The following NUCB2 variants were observed in gnomAD, a reference collection of about 807,000 sequenced individuals.
NUCB2 encodes nucleobindin-2.
NUCB2 carries 48 observed loss-of-function variants against 57.9 expected under a neutral mutation model. The ratio of observed to expected loss-of-function variants is 0.83; its 90% CI spans 0.66 to 1.05. The LOEUF is 1.05. NUCB2 is among the 50% of genes least tolerant of loss of function. The pLI is 0.00. For missense variants in NUCB2, 442 were observed against 476.2 expected, an observed-to-expected ratio of 0.93 and a Z score of 0.67; for synonymous variants, 139 against 152.1, an observed-to-expected ratio of 0.91 and a Z score of 0.64.
intron 11 of NUCB2, among the ~76,000 whole-genome samples, chr11:17,318,350 A>G (rs1949568051): frequency 6.6e-6 from 1 of 152,108 alleles, no homozygotes; most frequent in Non-Finnish European, 1.5e-5. Context: ...TACATTCAAT[A>G]TCATATCAAA....
intron 2 of NUCB2, among the ~76,000 whole-genome samples, chr11:17,289,792 G>A (rs1163216103): frequency 6.6e-6 from 1 of 152,146 alleles, no homozygotes; most frequent in Non-Finnish European, 1.5e-5. Flanking sequence ...CATTAATGTA[G>A]ATTTTGAGGC....
intron 2 of NUCB2, among the ~76,000 whole-genome samples, chr11:17,290,372 G>T (rs1944718284): frequency 6.6e-6 from 1 of 152,086 alleles, no homozygotes; most frequent in Non-Finnish European, 1.5e-5. Context: ...ACATAACAAA[G>T]ACTATGTTGC....
chr11:17,325,195 G>A lies in NUCB2; in HGVS notation c.1003-4932G>A, dbSNP rs1411396424. On this transcript the variant is annotated intron_variant, in intron 11 of 13. Transcript: ENST00000529010. ...TGAAATACTTGTTAAGTATCTATTA[G>A]ATCCATTTGATCTATAGTGTAGATT... Among the ~76,000 whole-genome samples, 4 of 152,292 alleles carry A rather than the reference G, an allele frequency of 2.6e-5. No homozygotes were observed. The East Asian group carries it at 5.8e-4, about 22-fold the overall frequency.
intron 11 of NUCB2, among the ~76,000 whole-genome samples, chr11:17,320,162 A>G (rs1949832291): frequency 6.6e-6 from 1 of 152,002 alleles, no homozygotes; most frequent in South Asian, 2.1e-4. Flanking sequence ...GGTTGATTCT[A>G]TGTCTTTGCT....
chr11:17,304,915 T>G (rs977776405), intron 5 of NUCB2, among the ~76,000 whole-genome samples: 4 of 152,250 alleles, frequency 2.6e-5, no homozygotes, highest in African/African-American at 9.6e-5. Flanking sequence ...CTCAGTGTTA[T>G]AAACATGTCA....
chr11:17,312,184 C>A, intron 10 of NUCB2, 64 bp downstream of exon 10: 1 of 874,678 alleles, frequency 1.1e-6, no homozygotes, highest in Non-Finnish European at 1.8e-6. Context: ...TGCAATAAAT[C>A]TTTAAGATGG....
rs1449642877 is a variant in NUCB2 at position 17,330,236 on chromosome 11, A to G, written c.1112A>G (p.Gln371Arg). 6.2e-7 allele frequency: 1 copy of G among 1,611,956 alleles called. No individual in the cohort carries two copies. Among genetic ancestry groups the G allele is most frequent in the African/African-American group, 1.3e-5 (1 of 74,860 alleles). Residue 371 changes from glutamine to arginine, a missense_variant, in exon 12 of 14, where the codon CAA (glutamine) becomes CGA (arginine). Physicochemically the swap from Gln to Arg is conservative, Grantham distance 43. Coordinates refer to ENST00000529010, the MANE Select transcript of NUCB2 (RefSeq NM_005013.4). This position sits in a 1 kb window ranked among gnomAD's most constrained non-coding sequence, Gnocchi z 4.3. ...LKKKADELQK[Q>R]KEELQRQHDQ... ...AAGAAGGCAGATGAGCTTCAGAAAC[A>G]AAAAGAAGAGCTACAACGTCAGCAT...
chr11:17,307,481 G>A (rs1947851331), intron 5 of NUCB2, among the ~76,000 whole-genome samples: 1 of 152,102 alleles, frequency 6.6e-6, no homozygotes, highest in South Asian at 2.1e-4. Context: ...TTATATATAA[G>A]CAAATACAAA....
At position 17,312,114 on chromosome 11, in the gene NUCB2, G is replaced by C. The variant is rs1948569845; in HGVS notation, c.906G>C (p.Met302Ile). The C allele has an allele frequency of 1.4e-6, 2 of 1,411,882 alleles. No individual in the cohort carries two copies. The highest frequency in any genetic ancestry group is 2.0e-6 in the Non-Finnish European group (2 of 1,014,628). 87.5% of individuals were successfully genotyped at this position (1,411,882 alleles called of 1,614,324 possible). Residue 302 changes from methionine (M) to isoleucine (I), a missense_variant, in exon 10 of 14, where the codon ATG becomes ATC. Coordinates refer to ENST00000529010, the MANE Select transcript of NUCB2 (RefSeq NM_005013.4). ...GGCTTAGAATGAGGGAACATGTAATGAATGAGGTATGTTTTAAAAGTTTAA... is the reference window on the plus strand; with the variant it reads ...GGCTTAGAATGAGGGAACATGTAATCAATGAGGTATGTTTTAAAAGTTTAA... ...EERLRMREHV[M>I]NEVDTNKDRL...
chr11:17,327,914 C>G (rs546274773), intron 11 of NUCB2, among the ~76,000 whole-genome samples: 1 of 152,272 alleles, frequency 6.6e-6, no homozygotes, highest in South Asian at 2.1e-4. Flanking sequence ...CTCTGGTTCT[C>G]CAGGATTGGA....
chr11:17,322,008 C>T lies in NUCB2; in HGVS notation c.1002+6533C>T, dbSNP rs372827553. On this transcript the variant is annotated intron_variant, in intron 11 of 13. Coordinates refer to ENST00000529010, the MANE Select transcript of NUCB2 (RefSeq NM_005013.4). Reference sequence around the variant, plus strand: ...CTAGTTATTAATCCCTTGTCAGATGCGTAGTTTGCAATTATTTTCTCTCAT... The same window carrying T: ...CTAGTTATTAATCCCTTGTCAGATGTGTAGTTTGCAATTATTTTCTCTCAT... 1.0e-3 allele frequency among the ~76,000 whole-genome samples: 159 copies of T among 152,098 alleles called. No homozygotes were observed. In the Middle Eastern group the frequency reaches 0.014, roughly 13 times the overall value.
At chr11:17,309,517 T>C in intron 5 of NUCB2, 55 bp from the exon 6 acceptor site, 1 of 998,734 alleles carries the variant, frequency 1.0e-6, no homozygotes, top group Non-Finnish European at 1.5e-6. Context: ...TGTATAATTA[T>C]TATGTTTCTA....
chr11:17,331,344 A>G, intron 13 of NUCB2, 68 bp from the exon 14 acceptor site: 1 of 881,386 alleles, frequency 1.1e-6, no homozygotes, highest in Non-Finnish European at 1.7e-6. Context: ...GTATATTTGT[A>G]TATGAAGGAA....
At chr11:17,336,942 AT>A (rs566889007), downstream of NUCB2, among the ~76,000 whole-genome samples, 4 of 149,278 alleles carry the variant, frequency 2.7e-5, no homozygotes, top group Admixed American at 6.7e-5. Context: ...TGATAACATG[AT>A]TTTTTTTTTC....
downstream of NUCB2, among the ~76,000 whole-genome samples, chr11:17,336,526 G>C (rs1010258100): frequency 6.6e-6 from 1 of 151,384 alleles, no homozygotes; most frequent in African/African-American, 2.4e-5. Flanking sequence ...AGGCCGAGGC[G>C]GGCGGATCAC....
downstream of NUCB2, among the ~76,000 whole-genome samples, chr11:17,334,945 A>AT (rs1307985707): frequency 6.6e-6 from 1 of 151,924 alleles, no homozygotes; most frequent in Non-Finnish European, 1.5e-5. Context: ...TCACTTAATA[A>AT]TTTTTAAACT....
At chr11:17,346,828 T>C (rs1952781638) in intron 2 of NUCB2, among the ~76,000 whole-genome samples, 1 of 152,226 alleles carries the variant, frequency 6.6e-6, no homozygotes, top group African/African-American at 2.4e-5. Flanking sequence ...GTTATCCTAC[T>C]ATAAATTTTT....
intron 2 of NUCB2, among the ~76,000 whole-genome samples, chr11:17,348,284 T>C (rs1158325856): frequency 6.8e-6 from 1 of 147,922 alleles, no homozygotes; most frequent in Non-Finnish European, 1.5e-5. Flanking sequence ...GGAACAACAA[T>C]GGTCTAGAAT....
Position 17,296,164 on chromosome 11 carries a change from A to G in NUCB2, c.205A>G (p.Lys69Glu), listed in dbSNP as rs370237694. The change falls in exon 4 of 14, where the codon AAA (lysine) becomes GAA (glutamate). Residue 69 changes from lysine (K) to glutamate (E), a missense_variant. Lys to Glu is a moderately conservative substitution (Grantham distance 56). Transcript: ENST00000529010. ...KQVIDVLETD[K>E]HFREKLQKAD... Reference sequence around the variant, plus strand: ...AGTGATTGATGTGCTGGAAACAGATAAACACTTCAGAGAAAAGCTCCAGAA... The same window carrying G: ...AGTGATTGATGTGCTGGAAACAGATGAACACTTCAGAGAAAAGCTCCAGAA... 6.2e-7 allele frequency: 1 copy of G among 1,612,348 alleles called. No individual in the cohort carries two copies. Among genetic ancestry groups the G allele is most frequent in the Non-Finnish European group, 8.5e-7 (1 of 1,179,020 alleles).
Sources: gnomAD v4.1 joint callset for allele counts (sites outside exome capture counted in the v4.1 genomes callset) on GRCh38, gnomAD v4.1.1 for gene constraint, Gnocchi (gnomAD v3.1) non-coding constraint, MANE v1.5 for transcripts, NCBI Gene and HGNC (gene_info 2026-07-23, HGNC 2026-07-21) for gene names.